Variants in VAT1L observed in about 807,000 individuals in gnomAD.
VAT1L encodes putative NADPH-dependent quinone oxidoreductase VAT1L.
A neutral mutation model predicts 44.1 loss-of-function variants in VAT1L; 34 were observed. The observed-to-expected ratio is 0.77, with a 90% CI of 0.59 to 1.03. The LOEUF (loss-of-function observed/expected upper bound fraction) is 1.03, where lower values mean the gene tolerates loss of function less well. Among genes scored for constraint, VAT1L ranks in the 50% least tolerant of loss-of-function variants. The pLI is 0.00. For synonymous variants in VAT1L, 253 were observed against 202.2 expected, an observed-to-expected ratio of 1.25 and a Z score of -2.13; for missense variants, 615 against 538.8, an observed-to-expected ratio of 1.14 and a Z score of -1.40.
chr16:77,931,066 G>A (rs559543725), intron 7 of VAT1L, among the ~76,000 whole-genome samples: 16 of 152,182 alleles, frequency 1.1e-4, no homozygotes, highest in Non-Finnish European at 2.2e-4. Flanking sequence ...TGCACAGCCA[G>A]TCAGTTAGTG....
intron 7 of VAT1L, among the ~76,000 whole-genome samples, chr16:77,968,828 T>C (rs2018250308): frequency 6.7e-6 from 1 of 149,784 alleles, no homozygotes; most frequent in Non-Finnish European, 1.5e-5. Context: ...GAATCAATTC[T>C]TTTTTTTTTA....
intron 7 of VAT1L, among the ~76,000 whole-genome samples, chr16:77,969,795 G>C (rs1312801798): frequency 6.6e-6 from 1 of 151,940 alleles, no homozygotes; most frequent in African/African-American, 2.4e-5. Flanking sequence ...GATTCCCGGT[G>C]GGCAGTAGCT....
At chr16:77,895,570 T>C (rs923235631) in intron 7 of VAT1L, among the ~76,000 whole-genome samples, 7 of 152,156 alleles carry the variant, frequency 4.6e-5, no homozygotes, top group Non-Finnish European at 8.8e-5. Context: ...GAAGAGCCTG[T>C]AGAAGCCAGA....
At chr16:77,959,911 C>A (rs555055919) in intron 7 of VAT1L, among the ~76,000 whole-genome samples, 1 of 152,242 alleles carries the variant, frequency 6.6e-6, no homozygotes, top group African/African-American at 2.4e-5. Context: ...GACTTTTGCT[C>A]TTTTGTCCCC....
intron 5 of VAT1L, among the ~76,000 whole-genome samples, chr16:77,877,318 G>C (rs1039422579): frequency 2.0e-5 from 3 of 152,104 alleles, no homozygotes; most frequent in Middle Eastern, 3.4e-3. Flanking sequence ...AGACCATCCT[G>C]GCTAACATGG....
rs139133770 is a variant in VAT1L, at chr16:77,827,588, G to A, written c.579+2127G>A. On this transcript the variant is annotated intron_variant, in intron 3 of 8. Coordinates refer to ENST00000302536, the MANE Select transcript of VAT1L (RefSeq NM_020927.3). ...AATGAGGGTTGGAAAATAAGTCAAT[G>A]CACATAGCACAGGCTATGTTGTCCT... Among the ~76,000 whole-genome samples the A allele has an allele frequency of 5.9e-5, 9 of 152,350 alleles. No homozygotes were observed. In the East Asian group the frequency reaches 1.5e-3, roughly 26 times the overall value.
chr16:77,894,159 C>T (rs1597086848), intron 7 of VAT1L, among the ~76,000 whole-genome samples: 1 of 152,186 alleles, frequency 6.6e-6, no homozygotes, highest in Non-Finnish European at 1.5e-5. Context: ...AACCCTACAA[C>T]CCCCGCTTTA....
At chr16:77,890,481 C>T (rs535881674) in intron 7 of VAT1L, among the ~76,000 whole-genome samples, 5 of 152,238 alleles carry the variant, frequency 3.3e-5, no homozygotes, top group Admixed American at 3.3e-4. Context: ...TTCCCTGAGG[C>T]CCACTCTGGC....
At chr16:77,797,759 T>C (rs897370081) in intron 1 of VAT1L, among the ~76,000 whole-genome samples, 2 of 152,186 alleles carry the variant, frequency 1.3e-5, no homozygotes, top group Non-Finnish European at 2.9e-5. Context: ...TTCCTTTTCC[T>C]AAGAGAGAGC....
intron 7 of VAT1L, among the ~76,000 whole-genome samples, chr16:77,961,598 C>A (rs1408135739): frequency 6.6e-6 from 1 of 152,148 alleles, no homozygotes; most frequent in Non-Finnish European, 1.5e-5. Context: ...TAGGATGATC[C>A]CAGATTGGCC....
At chr16:77,911,065 CA>C (rs1241559325) in intron 7 of VAT1L, among the ~76,000 whole-genome samples, 1 of 152,236 alleles carries the variant, frequency 6.6e-6, no homozygotes, top group Non-Finnish European at 1.5e-5. Flanking sequence ...TATCATCCCA[CA>C]GGCAGGGACC....
chr16:77,868,902 A>C (rs1053670540), intron 4 of VAT1L, among the ~76,000 whole-genome samples: 2 of 152,030 alleles, frequency 1.3e-5, no homozygotes, highest in Non-Finnish European at 2.9e-5. Flanking sequence ...CCTTCAAGTC[A>C]TGAAAATATG....
At chr16:77,944,423 C>T (rs557191040) in intron 7 of VAT1L, among the ~76,000 whole-genome samples, 25 of 152,182 alleles carry the variant, frequency 1.6e-4, no homozygotes, top group South Asian at 1.5e-3. Flanking sequence ...AATAAATGAC[C>T]GAAGGATAAT....
intron 7 of VAT1L, among the ~76,000 whole-genome samples, chr16:77,958,562 T>C (rs1476443357): frequency 6.6e-6 from 1 of 152,112 alleles, no homozygotes; most frequent in Non-Finnish European, 1.5e-5. Flanking sequence ...ACACAAACAC[T>C]GGAGGGAATT....
intron 7 of VAT1L, among the ~76,000 whole-genome samples, chr16:77,915,489 G>A (rs536828384): frequency 6.6e-6 from 1 of 152,330 alleles, no homozygotes; most frequent in African/African-American, 2.4e-5. Flanking sequence ...GGCAGTATAT[G>A]ACATTGTTTA....
intron 3 of VAT1L, among the ~76,000 whole-genome samples, chr16:77,847,485 G>A (rs2145264979): frequency 6.6e-6 from 1 of 152,254 alleles, no homozygotes; most frequent in East Asian, 1.9e-4. Flanking sequence ...TAACCCATGG[G>A]TGCATTTCAT....
intron 4 of VAT1L, among the ~76,000 whole-genome samples, chr16:77,868,968 C>T (rs1026497937): frequency 2.0e-5 from 3 of 152,062 alleles, no homozygotes; most frequent in African/African-American, 7.2e-5. Flanking sequence ...CTCTTGAAAG[C>T]TCTTAAATGG....
At chr16:77,810,029 G>C (rs542088054) in intron 1 of VAT1L, among the ~76,000 whole-genome samples, 1 of 152,274 alleles carries the variant, frequency 6.6e-6, no homozygotes, top group African/African-American at 2.4e-5. Context: ...TCAAGAAAGA[G>C]ACAGACAAAT....
At chr16:77,959,301 C>T (rs867666056) in intron 7 of VAT1L, among the ~76,000 whole-genome samples, 5 of 152,310 alleles carry the variant, frequency 3.3e-5, no homozygotes, top group Middle Eastern at 3.4e-3. Context: ...TTGGGGCTCA[C>T]GCACTTTAGA....
Sources: gnomAD v4.1 joint callset for allele counts (sites outside exome capture counted in the v4.1 genomes callset) on GRCh38, gnomAD v4.1.1 for gene constraint, MANE v1.5 for transcripts, NCBI Gene and HGNC (gene_info 2026-07-23, HGNC 2026-07-21) for gene names.